DLGAP2: variants seen among roughly 807,000 people sequenced by gnomAD.
The protein encoded by DLGAP2 is DLG associated protein 2.
DLGAP2 carries 26 observed loss-of-function variants against 100.3 expected under a neutral mutation model. The ratio of observed to expected loss-of-function variants is 0.26; its 90% CI spans 0.19 to 0.36. The LOEUF is 0.36. DLGAP2 is among the 10% of genes least tolerant of loss of function. DLGAP2 has a pLI of 1.00. For missense variants in DLGAP2, 1,858 were observed against 1,453.2 expected (o/e 1.28, Z -4.53); for synonymous variants, 886 against 630.1 (o/e 1.41, Z -6.08).
intron 2 of DLGAP2, among the ~76,000 whole-genome samples, chr8:1,100,459 G>T (rs921836125): frequency 1.3e-5 from 2 of 152,048 alleles, no homozygotes; most frequent in Admixed American, 6.5e-5. Flanking sequence ...TGTCCAGCAT[G>T]TCCACAGTGT....
At chr8:1,616,121 A>G (rs1270028342) in intron 6 of DLGAP2, among the ~76,000 whole-genome samples, 1 of 152,214 alleles carries the variant, frequency 6.6e-6, no homozygotes, top group Admixed American at 6.5e-5. Context: ...TGAAAAATTT[A>G]TGGGATGTGT....
chr8:1,618,430 G>A (rs949181954), intron 6 of DLGAP2, among the ~76,000 whole-genome samples: 2 of 152,168 alleles, frequency 1.3e-5, no homozygotes, highest in Admixed American at 6.5e-5. Flanking sequence ...TGATGCATTG[G>A]AAGTCTCAGT....
chr8:1,701,295 C>T lies in DLGAP2; in HGVS notation c.3057C>T (p.Ala1019=), dbSNP rs200619278. 3.0e-5 allele frequency: 48 copies of T among 1,585,258 alleles called. No individual in the cohort carries two copies. In the Admixed American group the frequency reaches 4.7e-4, roughly 15 times the overall value. Residue 1019 remains alanine (A), a synonymous_variant, in exon 15 of 15, where the codon GCC becomes GCT. Coordinates refer to ENST00000637795, the MANE Select transcript of DLGAP2 (RefSeq NM_001346810.2). The stretch of plus-strand genomic sequence containing the variant: ...TGCCCGACAGACAACGCCAGGAAGC[C>T]CGGAGGCGCCTCATGGCCGCCAAGC... ...LDLPDRQRQE[A]RRRLMAAKRA... is the part of the protein sequence containing the mutation.
At chr8:864,960 G>A (rs981448861) in intron 1 of DLGAP2, among the ~76,000 whole-genome samples, 3 of 152,126 alleles carry the variant, frequency 2.0e-5, no homozygotes, top group African/African-American at 7.2e-5. Flanking sequence ...TAGGAAAACT[G>A]GGAAGTGGAT....
At chr8:1,345,261 C>A (rs571945565) in intron 3 of DLGAP2, among the ~76,000 whole-genome samples, 2 of 151,868 alleles carry the variant, frequency 1.3e-5, no homozygotes, top group East Asian at 1.9e-4. Flanking sequence ...GCAGAGTGTG[C>A]GGTCTGTTTC....
chr8:1,182,915 G>A (rs867245447), intron 2 of DLGAP2, among the ~76,000 whole-genome samples: 12 of 152,142 alleles, frequency 7.9e-5, no homozygotes, highest in African/African-American at 2.4e-4. Flanking sequence ...TGCAGTGAGC[G>A]CACAGCCCTG....
At chr8:1,322,069 C>G (rs1800913946) in intron 3 of DLGAP2, among the ~76,000 whole-genome samples, 1 of 152,084 alleles carries the variant, frequency 6.6e-6, no homozygotes, top group East Asian at 1.9e-4. Flanking sequence ...AACAGATTAG[C>G]AGAAACCCTA....
At chr8:1,136,887 C>T (rs1168632370) in intron 2 of DLGAP2, among the ~76,000 whole-genome samples, 1 of 152,188 alleles carries the variant, frequency 6.6e-6, no homozygotes, top group Admixed American at 6.5e-5. Context: ...AGAACAAAGA[C>T]ATTTGATAGC....
chr8:1,358,628 A>C (rs935357003), intron 3 of DLGAP2, among the ~76,000 whole-genome samples: 1 of 152,132 alleles, frequency 6.6e-6, no homozygotes, highest in African/African-American at 2.4e-5. Context: ...CGGCTCTTTG[A>C]TGTTGGTGTT....
intron 3 of DLGAP2, among the ~76,000 whole-genome samples, chr8:1,480,608 G>T (rs1799063419): frequency 6.6e-6 from 1 of 152,084 alleles, no homozygotes; most frequent in Non-Finnish European, 1.5e-5. Flanking sequence ...CCAGCACTTT[G>T]GGAGGCCGAG....
intron 3 of DLGAP2, among the ~76,000 whole-genome samples, chr8:1,318,069 AGTGTTTAAAAATAGAGCGTGTGCGAGT>A (rs1800806634): frequency 1.9e-5 from 1 of 52,474 alleles, no homozygotes; most frequent in Non-Finnish European, 3.5e-5. Flanking sequence ...GACACTCGTC[AGTGTTTAAAAATAGAGCGTGTGCGAGT>A]GCAGCGTCTC....
chr8:1,149,714 C>G (rs2129051405), intron 2 of DLGAP2, among the ~76,000 whole-genome samples: 1 of 152,268 alleles, frequency 6.6e-6, no homozygotes, highest in African/African-American at 2.4e-5. Context: ...CTGTTGTATT[C>G]TCCACTTATT....
intron 2 of DLGAP2, among the ~76,000 whole-genome samples, chr8:1,059,632 C>T (rs997149820): frequency 6.6e-6 from 1 of 152,176 alleles, no homozygotes; most frequent in Non-Finnish European, 1.5e-5. Context: ...CCTGTGTCCC[C>T]ACCACTTCAC....
intron 4 of DLGAP2, among the ~76,000 whole-genome samples, chr8:1,535,414 A>G (rs1033153806): frequency 3.9e-5 from 6 of 152,202 alleles, no homozygotes; most frequent in Non-Finnish European, 8.8e-5. Context: ...GCCTCACCCC[A>G]CGATGGGTCA....
intron 2 of DLGAP2, among the ~76,000 whole-genome samples, chr8:981,742 C>G (rs1355740172): frequency 6.6e-6 from 1 of 152,108 alleles, no homozygotes; most frequent in East Asian, 1.9e-4. Flanking sequence ...GATCCAAATC[C>G]TTTGCTTATT....
rs759970752 is a variant in DLGAP2 at position 1,548,708 on chromosome 8, C to T, written c.255C>T (p.Ser85=). The change falls in exon 5 of 15, where the codon TCC becomes TCT. Residue 85 remains serine (S), a synonymous_variant. Coordinates refer to ENST00000637795, the MANE Select transcript of DLGAP2 (RefSeq NM_001346810.2). The part of the protein sequence containing the change: ...SPAPRSMKGL[S]GSRTQPPLCS... ...CGCCCAGGAGCATGAAGGGCCTTTC[C>T]GGAAGTCGGACCCAGCCGCCGCTGT... is the stretch of plus-strand genomic sequence containing the variant. The T allele has an allele frequency of 4.4e-6, 7 of 1,607,114 alleles. No homozygotes were observed. The highest frequency in any genetic ancestry group is 1.1e-5 in the South Asian group (1 of 90,058).
intron 2 of DLGAP2, among the ~76,000 whole-genome samples, chr8:1,251,266 C>T (rs754225023): frequency 2.6e-5 from 4 of 152,168 alleles, no homozygotes; most frequent in East Asian, 1.9e-4. Context: ...CAATGACTAT[C>T]TCCTAGCATA....
At chr8:765,991 A>G (rs1821204831) in intron 1 of DLGAP2, among the ~76,000 whole-genome samples, 1 of 152,106 alleles carries the variant, frequency 6.6e-6, no homozygotes, top group Admixed American at 6.5e-5. Context: ...AAATGGTGAA[A>G]CCCAGTCTCT....
intron 1 of DLGAP2, among the ~76,000 whole-genome samples, chr8:799,974 G>C (rs1347791259): frequency 6.6e-6 from 1 of 152,178 alleles, no homozygotes; most frequent in Non-Finnish European, 1.5e-5. Flanking sequence ...CGCATTTCTA[G>C]TGCTTTAATG....
Sources: allele counts gnomAD v4.1 joint callset (sites outside exome capture counted in the v4.1 genomes callset), GRCh38; gene constraint gnomAD v4.1.1; transcripts MANE v1.5; gene names NCBI Gene and HGNC (gene_info 2026-07-23, HGNC 2026-07-21).